The following CRLS1 variants were observed in gnomAD, a reference collection of about 807,000 sequenced individuals.
CRLS1 encodes cardiolipin synthase 1.
A neutral mutation model predicts 37.0 loss-of-function variants in CRLS1; 24 were observed. That is an observed-to-expected ratio of 0.65 (90% CI 0.47 to 0.91). CRLS1 has a LOEUF of 0.91. CRLS1 is among the 40% of genes least tolerant of loss of function. The pLI is 0.00. For missense variants in CRLS1, 373 were observed against 395.8 expected (o/e 0.94, Z 0.49); for synonymous variants, 135 against 159.7 (o/e 0.85, Z 1.17).
intron 1 of CRLS1, 120 bp downstream of exon 1, chr20:6,006,672 TC>T: frequency 8.3e-7 from 1 of 1,209,756 alleles, no homozygotes; most frequent in Middle Eastern, 3.2e-4. Flanking sequence ...TTTAGACTCT[TC>T]CCTGAAAAGA....
At chr20:6,015,525 A>C (rs371623502) in intron 3 of CRLS1, 35 bp downstream of exon 3, 13 of 1,603,002 alleles carry the variant, frequency 8.1e-6, no homozygotes, top group Non-Finnish European at 5.1e-6. Context: ...TGAATAGCAC[A>C]GGGAAGAATG....
intron 3 of CRLS1, among the ~76,000 whole-genome samples, chr20:6,018,469 A>T (rs6117036): frequency 6.6e-6 from 1 of 152,070 alleles, no homozygotes; most frequent in Admixed American, 6.5e-5. Context: ...TGAGTAGTAC[A>T]GTGTTGGCAA....
chr20:6,011,015 T>G (rs1175148485), intron 2 of CRLS1, among the ~76,000 whole-genome samples: 2 of 150,328 alleles, frequency 1.3e-5, no homozygotes, highest in African/African-American at 2.5e-5. Context: ...AGAACTTGTC[T>G]CTTAAAAAAA....
rs148832281 is a variant in CRLS1, at chr20:6,017,612, G to C, written c.574+2122G>C. On this transcript the variant is annotated intron_variant, in intron 3 of 6. Transcript: ENST00000378863. Reference sequence around the variant, plus strand: ...CCAGTAGAGTGAGTCCTTCCACCTTGGACATTCTTAGCCCTTTCCATTTGT... The same window carrying C: ...CCAGTAGAGTGAGTCCTTCCACCTTCGACATTCTTAGCCCTTTCCATTTGT... Among the ~76,000 whole-genome samples, 32 of 152,252 alleles carry C rather than the reference G, an allele frequency of 2.1e-4. No homozygotes were observed. In the East Asian group the frequency reaches 6.0e-3, roughly 28 times the overall value.
intron 2 of CRLS1, among the ~76,000 whole-genome samples, chr20:6,012,425 G>A (rs1978396088): frequency 6.6e-6 from 1 of 152,144 alleles, no homozygotes; most frequent in African/African-American, 2.4e-5. Flanking sequence ...TTTGGAGTTG[G>A]AGAGAAGTGT....
intron 2 of CRLS1, among the ~76,000 whole-genome samples, chr20:6,010,806 C>G (rs1279305283): frequency 6.6e-6 from 1 of 152,088 alleles, no homozygotes; most frequent in Non-Finnish European, 1.5e-5. Context: ...TTTGAGAGGT[C>G]AGGAGTTTGA....
At chr20:6,011,572 CTTTTTTTTTTTT>C (rs559511975) in intron 2 of CRLS1, among the ~76,000 whole-genome samples, 571 of 27,856 alleles carry the variant, frequency 0.02, 4 homozygotes, top group Middle Eastern at 0.1. Flanking sequence ...TTTGTCCCTG[CTTTTTTTTTTTT>C]TTTTTTTTTT....
At chr20:6,023,311 A>G (rs1979420039) in intron 3 of CRLS1, 1 of 152,120 alleles carries the variant, frequency 6.6e-6, no homozygotes, top group Non-Finnish European at 1.5e-5. Context: ...TTGAAAAATA[A>G]TTTGGAGGAA....
At chr20:6,023,227 G>A (rs1979414745) in intron 3 of CRLS1, among the ~76,000 whole-genome samples, 1 of 151,948 alleles carries the variant, frequency 6.6e-6, no homozygotes, top group African/African-American at 2.4e-5. Context: ...TCTTTCATTT[G>A]TTCACTGTTT....
rs982818611 is a variant in CRLS1, at chr20:6,006,352, C to T, written c.106C>T (p.Pro36Ser). The T allele has an allele frequency of 7.2e-6, 10 of 1,383,244 alleles. No homozygotes were observed. The highest frequency in any genetic ancestry group is 9.4e-6 in the Non-Finnish European group (10 of 1,065,420). 85.7% of individuals were successfully genotyped at this position (1,383,244 alleles called of 1,614,324 possible). Reference sequence around the variant, plus strand: ...GCGACGCGCCTGCTGGGCCCTGCTGCCGCCCGTGCCCTGCTGCTTGGGCTG... The same window carrying T: ...GCGACGCGCCTGCTGGGCCCTGCTGTCGCCCGTGCCCTGCTGCTTGGGCTG... The part of the protein sequence containing the change: ...SKRRACWALL[P>S]PVPCCLGCLA... The change falls in exon 1 of 7, where the codon CCG becomes TCG. Residue 36 changes from proline to serine, a missense_variant. By Grantham distance (74) the Pro-to-Ser change is moderately conservative. Transcript: ENST00000378863.
rs1568637019 is a variant in CRLS1, at chr20:6,039,282, T to C, written c.*2124T>C. 2 of 151,350 alleles carry C rather than the reference T, an allele frequency of 1.3e-5. No individual in the cohort carries two copies. Among genetic ancestry groups the C allele is most frequent in the African/African-American group, 2.4e-5 (1 of 41,156 alleles). The allele number at this position is 151,350 out of a possible 1,614,324, so 9.4% of individuals were successfully genotyped here. On this transcript the variant is annotated 3_prime_UTR_variant, in exon 7 of 7. Coordinates refer to ENST00000378863, the MANE Select transcript of CRLS1 (RefSeq NM_019095.6). ...TTGTTTGTGTGTGTGTGTGTGTGTG[T>C]GTGTGTGTGTGTGTGTGTGTGTATT... is the stretch of plus-strand genomic sequence containing the variant.
chr20:6,035,537 CA>C (rs1244074397), intron 6 of CRLS1, among the ~76,000 whole-genome samples: 7 of 119,664 alleles, frequency 5.8e-5, no homozygotes, highest in African/African-American at 2.0e-4. Context: ...AAGAGAGAGA[CA>C]GTATTTTTTT....
At chr20:6,031,219 G>A in intron 3 of CRLS1, 66 bp from the exon 4 acceptor site, 1 of 994,972 alleles carries the variant, frequency 1.0e-6, no homozygotes, top group East Asian at 2.5e-5. Context: ...ACATATTATT[G>A]TATTCATAAT....
Position 6,038,462 on chromosome 20 carries a change from T to G in CRLS1, c.*1304T>G, listed in dbSNP as rs941551116. The G allele has an allele frequency of 1.3e-5, 2 of 152,282 alleles. No individual in the cohort carries two copies. Among genetic ancestry groups the G allele is most frequent in the Admixed American group, 1.3e-4 (2 of 15,288 alleles). 9.4% of individuals were successfully genotyped at this position (152,282 alleles called of 1,614,324 possible). ...AGCGTGTCCCTCTGTGGCTTGCTGG[T>G]CCTGGTTGTTCTCAGACTGGCAGCT... On this transcript the variant is annotated 3_prime_UTR_variant, in exon 7 of 7. Transcript: ENST00000378863.
rs1161298827 is a variant in CRLS1, at chr20:6,011,572, C to CCTTT, written c.444+1660_444+1661insCTTT. ...TCTTTCTCCTTTTCTTTTGTCCCTG[C>CCTTT]TTTTTTTTTTTTTTTTTTTTTTTTT... On this transcript the variant is annotated intron_variant, in intron 2 of 6. Coordinates refer to ENST00000378863, the MANE Select transcript of CRLS1 (RefSeq NM_019095.6). Among the ~76,000 whole-genome samples, 102 of 27,862 alleles carry CCTTT rather than the reference C, an allele frequency of 3.7e-3. 9 individuals are homozygous for CCTTT. The highest frequency in any genetic ancestry group is 9.3e-3 in the African/African-American group (91 of 9,820). The allele number at this position is 27,862 out of a possible 152,430, so 18.3% of individuals were successfully genotyped here.
chr20:6,007,325 G>T, intron 1 of CRLS1: 1 of 1,601,106 alleles, frequency 6.2e-7, no homozygotes. Flanking sequence ...AAGCATGTTG[G>T]GGTTTGAATG....
rs2122946533 is a variant in CRLS1, at chr20:6,015,734, A to T, written c.574+244A>T. On this transcript the variant is annotated intron_variant, in intron 3 of 6. Coordinates refer to ENST00000378863, the MANE Select transcript of CRLS1 (RefSeq NM_019095.6). The stretch of plus-strand genomic sequence containing the variant: ...GTAAGATTGTTTAAAATTAAAATTG[A>T]ATAAATATTTCACAGTGCCAATTCA... 7.4e-6 allele frequency: 3 copies of T among 405,966 alleles called. No individual in the cohort carries two copies. In the East Asian group the frequency reaches 1.6e-4, roughly 21 times the overall value. 25.1% of individuals were successfully genotyped at this position (405,966 alleles called of 1,614,324 possible).
chr20:6,006,269 G>C lies in CRLS1; in HGVS notation c.23G>C (p.Arg8Pro). 2 of 1,253,266 alleles carry C rather than the reference G, an allele frequency of 1.6e-6. No homozygotes were observed. Among genetic ancestry groups the C allele is most frequent in the Non-Finnish European group, 2.0e-6 (2 of 1,002,512 alleles). 77.6% of individuals were successfully genotyped at this position (1,253,266 alleles called of 1,614,324 possible). A position where few individuals can be genotyped will look rare whatever the true frequency, so the allele number is the denominator to read the frequency against. ...GCCATGCTAGCCTTGCGCGTGGCGCGCGGCTCGTGGGGGGCCCTGCGCGGC... is the reference window on the plus strand; with the variant it reads ...GCCATGCTAGCCTTGCGCGTGGCGCCCGGCTCGTGGGGGGCCCTGCGCGGC... MLALRVARGSWGALRGAA... is the reference protein window; with the variant it reads MLALRVAPGSWGALRGAA... The change falls in exon 1 of 7, where the codon CGC becomes CCC. Residue 8 changes from arginine (R) to proline (P), a missense_variant. By Grantham distance (103) the Arg-to-Pro change is moderately radical (BLOSUM62 -2). Transcript: ENST00000378863.
intron 3 of CRLS1, chr20:6,016,099 T>C (rs537810638): frequency 1.9e-5 from 3 of 154,694 alleles, no homozygotes; most frequent in Admixed American, 6.5e-5. Context: ...ACTGTTTTTT[T>C]CCCAAGAGCT....
Sources: gnomAD v4.1 joint callset for allele counts (sites outside exome capture counted in the v4.1 genomes callset) on GRCh38, gnomAD v4.1.1 for gene constraint, MANE v1.5 for transcripts, NCBI Gene and HGNC (gene_info 2026-07-23, HGNC 2026-07-21) for gene names.